NPRL3: variants seen among roughly 807,000 people sequenced by gnomAD.
NPRL3 encodes the protein GATOR1 complex protein NPRL3.
Under a neutral mutation model 57.2 loss-of-function variants are expected in NPRL3, and 23 were observed. The observed-to-expected ratio is 0.40, with a 90% CI of 0.29 to 0.57. NPRL3 has a LOEUF of 0.57. NPRL3 is among the 20% of genes least tolerant of loss of function. NPRL3 has a pLI of 0.42. For synonymous variants in NPRL3, 333 were observed against 321.1 expected (o/e 1.04, Z -0.39); for missense variants, 691 against 767.1 (o/e 0.90, Z 1.17).
At chr16:130,012 G>A (rs538424571) in intron 3 of NPRL3, among the ~76,000 whole-genome samples, 4 of 152,208 alleles carry the variant, frequency 2.6e-5, no homozygotes, top group South Asian at 2.1e-4. Context: ...GGAAGGAACC[G>A]GATCCACCTT....
At chr16:110,449 C>T (rs940457010) in intron 7 of NPRL3, 76 bp downstream of exon 7, 246 of 1,170,874 alleles carry the variant, frequency 2.1e-4, no homozygotes, top group Non-Finnish European at 2.9e-4. Context: ...GGAGCCCTAC[C>T]TGTTGACGCT....
intron 8 of NPRL3, among the ~76,000 whole-genome samples, chr16:99,448 G>A (rs77159554): frequency 2.0e-5 from 3 of 151,954 alleles, no homozygotes; most frequent in African/African-American, 4.8e-5. Context: ...TTCAAGACGA[G>A]CCTGGCCAAC....
intron 7 of NPRL3, among the ~76,000 whole-genome samples, chr16:102,697 G>A (rs1484948427): frequency 6.6e-6 from 1 of 152,180 alleles, no homozygotes; most frequent in Non-Finnish European, 1.5e-5. Context: ...GGGAGACTTG[G>A]CCAGACTTCT....
At position 98,188 on chromosome 16, in the gene NPRL3, T is replaced by A. The variant is rs776547727; in HGVS notation, c.881A>T (p.Asn294Ile). Residue 294 changes from asparagine to isoleucine, a missense_variant, in exon 9 of 14, where the codon AAC (asparagine) becomes ATC (isoleucine). Transcript: ENST00000611875. ...RVIKTTSAVK[N>I]LQQLAQDADL... ...CGCATCTTGGGCTAGCTGCTGCAGGTTCTTCACAGCAGATGTGGTCTTGAT... is the reference window on the plus strand; with the variant it reads ...CGCATCTTGGGCTAGCTGCTGCAGGATCTTCACAGCAGATGTGGTCTTGAT... 3.1e-6 allele frequency: 5 copies of A among 1,613,730 alleles called. No homozygotes were observed. Among genetic ancestry groups the A allele is most frequent in the Non-Finnish European group, 4.2e-6 (5 of 1,179,852 alleles).
chr16:128,969 T>C (rs1023719307), intron 3 of NPRL3, among the ~76,000 whole-genome samples: 1 of 152,184 alleles, frequency 6.6e-6, no homozygotes, highest in East Asian at 1.9e-4. Context: ...GATTTACAGA[T>C]ATATGATGTG....
rs540274288 is a variant in NPRL3 at position 86,890 on chromosome 16, G to A, written c.1545-20C>T. Reference sequence around the variant, plus strand: ...AGGAGCCTGGAAGGGATGGGTGGGTGTGAGCCCAACCTGACACCAGCCCCC... The same window carrying A: ...AGGAGCCTGGAAGGGATGGGTGGGTATGAGCCCAACCTGACACCAGCCCCC... On this transcript the variant is annotated intron_variant, in intron 13 of 13. Transcript: ENST00000611875. 91 of 1,604,430 alleles carry A rather than the reference G, an allele frequency of 5.7e-5. No homozygotes were observed. The highest frequency in any genetic ancestry group is 6.6e-5 in the Non-Finnish European group (78 of 1,175,014).
At chr16:111,456 A>T (rs547895080) in intron 6 of NPRL3, among the ~76,000 whole-genome samples, 219 of 148,866 alleles carry the variant, frequency 1.5e-3, no homozygotes, top group South Asian at 0.01. Context: ...TTATTTATTT[A>T]TTTTTTTTTT....
intron 3 of NPRL3, among the ~76,000 whole-genome samples, chr16:128,745 G>C (rs559760213): frequency 6.6e-6 from 1 of 152,246 alleles, no homozygotes; most frequent in East Asian, 1.9e-4. Flanking sequence ...TCCAGCCTGG[G>C]TGACAGAGCG....
chr16:104,151 G>A (rs1288321250), intron 7 of NPRL3, among the ~76,000 whole-genome samples: 1 of 150,324 alleles, frequency 6.7e-6, no homozygotes. Context: ...AAATTAGCCA[G>A]GTGTGGTGGC....
intron 13 of NPRL3, among the ~76,000 whole-genome samples, chr16:88,469 T>C (rs1318359773): frequency 6.8e-6 from 1 of 146,470 alleles, no homozygotes; most frequent in Non-Finnish European, 1.5e-5. Flanking sequence ...GAGAGAAGAG[T>C]CCGAAAAATA....
intron 3 of NPRL3, among the ~76,000 whole-genome samples, chr16:122,956 C>T (rs1417942053): frequency 6.6e-6 from 1 of 152,162 alleles, no homozygotes. Context: ...AAGAGTCGCC[C>T]GTCATCCGTG....
At chr16:105,535 T>C (rs933501355) in intron 7 of NPRL3, among the ~76,000 whole-genome samples, 1 of 152,132 alleles carries the variant, frequency 6.6e-6, no homozygotes, top group East Asian at 1.9e-4. Flanking sequence ...AGAGGGTCCA[T>C]GGGACCAACC....
At chr16:119,099 G>A (rs1900175212) in intron 4 of NPRL3, 27 bp downstream of exon 4, 8 of 1,610,868 alleles carry the variant, frequency 5.0e-6, no homozygotes, top group Non-Finnish European at 6.8e-6. Flanking sequence ...CCCAGGGAGA[G>A]CCCCACCTGC....
chr16:129,211 C>T (rs1424067598), intron 3 of NPRL3, among the ~76,000 whole-genome samples: 1 of 152,162 alleles, frequency 6.6e-6, no homozygotes, highest in Non-Finnish European at 1.5e-5. Context: ...TGGAGTAAGG[C>T]TAATGTGGGG....
intron 10 of NPRL3, 180 bp from the exon 11 acceptor site, chr16:92,905 G>A (rs1898825193): frequency 2.8e-6 from 2 of 712,106 alleles, no homozygotes; most frequent in South Asian, 3.6e-5. Context: ...ACTTCCCCTT[G>A]AGCAGCAGCA....
At chr16:98,991 G>A (rs373500176) in intron 8 of NPRL3, among the ~76,000 whole-genome samples, 5 of 152,206 alleles carry the variant, frequency 3.3e-5, no homozygotes, top group African/African-American at 1.2e-4. Context: ...AAAAAAACAC[G>A]ACAAAAGTGG....
At chr16:138,107 G>GCGGCCCCCGCGAGCGCC in intron 2 of NPRL3, 43 bp downstream of exon 2, 1 of 1,489,888 alleles carries the variant, frequency 6.7e-7, no homozygotes, top group Non-Finnish European at 9.2e-7. Flanking sequence ...CCGGAATGAG[G>GCGGCCCCCGCGAGCGCC]CGGCCCCCGC....
chr16:93,358 C>A (rs1273352180), intron 9 of NPRL3, 33 bp from the exon 10 acceptor site: 11 of 1,439,208 alleles, frequency 7.6e-6, no homozygotes, highest in African/African-American at 1.4e-5. Context: ...AAGGACCATG[C>A]CTGAGGCTGG....
intron 3 of NPRL3, 41 bp from the exon 4 acceptor site, chr16:119,296 A>C: frequency 6.4e-7 from 1 of 1,560,610 alleles, no homozygotes; most frequent in Non-Finnish European, 8.7e-7. Context: ...AAGTTAACAA[A>C]ATACCACAGC....
Sources: allele counts gnomAD v4.1 joint callset (sites outside exome capture counted in the v4.1 genomes callset), GRCh38; gene constraint gnomAD v4.1.1; transcripts MANE v1.5; gene names NCBI Gene and HGNC (gene_info 2026-07-23, HGNC 2026-07-21).